Variants in PTPN9 observed in about 807,000 individuals in gnomAD.
The protein encoded by PTPN9 is tyrosine-protein phosphatase non-receptor type 9.
In PTPN9, 26 loss-of-function variants were observed where a neutral mutation model predicts 69.8. That is an observed-to-expected ratio of 0.37 (90% CI 0.27 to 0.52). The LOEUF (loss-of-function observed/expected upper bound fraction) is 0.52. Among genes scored for constraint, PTPN9 ranks in the 20% least tolerant of loss-of-function variants. The probability of loss-of-function intolerance (pLI) is 0.91; values close to 1 mark genes in which losing one functional copy is unlikely to be tolerated. For missense variants in PTPN9, 549 were observed against 740.3 expected, an observed-to-expected ratio of 0.74 and a Z score of 3.00; for synonymous variants, 274 against 272.5, an observed-to-expected ratio of 1.01 and a Z score of -0.05.
At chr15:75,553,944 T>C (rs1351298883) in intron 1 of PTPN9, among the ~76,000 whole-genome samples, 3 of 151,692 alleles carry the variant, frequency 2.0e-5, no homozygotes, top group Non-Finnish European at 4.4e-5. Flanking sequence ...GTCAGAAGTA[T>C]ACAATTAGAC....
At chr15:75,541,101 A>G (rs1386530890) in intron 1 of PTPN9, among the ~76,000 whole-genome samples, 2 of 151,830 alleles carry the variant, frequency 1.3e-5, no homozygotes, top group Non-Finnish European at 2.9e-5. Context: ...TAAAAAATAA[A>G]AAAAAAGAGA....
At chr15:75,554,897 C>G (rs2075070811) in intron 1 of PTPN9, among the ~76,000 whole-genome samples, 1 of 152,154 alleles carries the variant, frequency 6.6e-6, no homozygotes, top group Admixed American at 6.6e-5. Context: ...CATGAGCTTC[C>G]CCCTATGGAA....
chr15:75,542,041 T>C (rs1180957112), intron 1 of PTPN9, among the ~76,000 whole-genome samples: 1 of 150,398 alleles, frequency 6.6e-6, no homozygotes, highest in Non-Finnish European at 1.5e-5. Context: ...ATCTCAAAAA[T>C]AAAATAAAAT....
chr15:75,503,237 C>T (rs1368625778), intron 7 of PTPN9, among the ~76,000 whole-genome samples: 1 of 150,316 alleles, frequency 6.7e-6, no homozygotes, highest in Non-Finnish European at 1.5e-5. Context: ...TGAGGAGCAT[C>T]TCTGCCCGGC....
At chr15:75,489,174 C>T (rs1417518747) in intron 8 of PTPN9, among the ~76,000 whole-genome samples, 1 of 64,236 alleles carries the variant, frequency 1.6e-5, no homozygotes, top group African/African-American at 5.7e-5. Flanking sequence ...GACTCCGTCT[C>T]AAAAAAAAAA....
In PTPN9 at chr15:75,548,400, C is replaced by T. The variant is rs10152877; in HGVS notation, c.64-21139G>A. On this transcript the variant is annotated intron_variant, in intron 1 of 12. Coordinates refer to ENST00000618819, the MANE Select transcript of PTPN9 (RefSeq NM_002833.4). ...CCTCCCAAGTAGCTGGGATTACAGG[C>T]GCCCACCACCATGCCCAGCTAATTT... 2.7e-3 allele frequency among the ~76,000 whole-genome samples: 416 copies of T among 151,650 alleles called. 2 individuals carry two copies. The highest frequency in any genetic ancestry group is 9.5e-3 in the African/African-American group (393 of 41,370).
chr15:75,544,518 G>C (rs1429113212), intron 1 of PTPN9, among the ~76,000 whole-genome samples: 1 of 152,056 alleles, frequency 6.6e-6, no homozygotes, highest in Non-Finnish European at 1.5e-5. Context: ...TGACAGAGCA[G>C]AACCTGTCTC....
chr15:75,527,090 AG>A, intron 2 of PTPN9, 27 bp downstream of exon 2: 2 of 1,613,458 alleles, frequency 1.2e-6, no homozygotes, highest in Non-Finnish European at 1.7e-6. Flanking sequence ...CAACTGCCAC[AG>A]GTCTGGTCTA....
chr15:75,502,676 G>T (rs2074780330), intron 7 of PTPN9, among the ~76,000 whole-genome samples: 2 of 152,130 alleles, frequency 1.3e-5, no homozygotes, highest in African/African-American at 4.8e-5. Flanking sequence ...TGTACTCTCT[G>T]ACTGTGGATT....
intron 1 of PTPN9, among the ~76,000 whole-genome samples, chr15:75,573,538 G>C (rs1468859487): frequency 1.3e-5 from 2 of 152,054 alleles, no homozygotes; most frequent in Non-Finnish European, 2.9e-5. Context: ...TGCATACACA[G>C]CATATAAATC....
rs879412687 is a variant in PTPN9 at position 75,467,911 on chromosome 15, A to G, written c.*858T>C. The stretch of plus-strand genomic sequence containing the variant: ...GCTGAGCTAACCCAGTGTCACCACA[A>G]ACTAATACATTCTTGGCTCCAACAG... On this transcript the variant is annotated 3_prime_UTR_variant, in exon 13 of 13. Transcript: ENST00000618819. 4.6e-5 allele frequency: 7 copies of G among 152,652 alleles called. No individual in the cohort carries two copies. Among genetic ancestry groups the G allele is most frequent in the Non-Finnish European group, 8.8e-5 (6 of 68,054 alleles). 9.5% of individuals were successfully genotyped at this position (152,652 alleles called of 1,614,324 possible). A position where few individuals can be genotyped will look rare whatever the true frequency, so the allele number is the denominator to read the frequency against.
intron 5 of PTPN9, among the ~76,000 whole-genome samples, chr15:75,514,472 G>A (rs1374320244): frequency 1.3e-5 from 2 of 152,134 alleles, no homozygotes; most frequent in Non-Finnish European, 1.5e-5. Flanking sequence ...CTAGCTACTT[G>A]GGAGGTTGAG....
chr15:75,553,999 T>C (rs936797375), intron 1 of PTPN9, among the ~76,000 whole-genome samples: 1 of 116,014 alleles, frequency 8.6e-6, no homozygotes, highest in Non-Finnish European at 1.8e-5. Flanking sequence ...GACCAATACT[T>C]TCTTTCTTTT....
chr15:75,572,056 G>A (rs2141346134), intron 1 of PTPN9, among the ~76,000 whole-genome samples: 1 of 151,714 alleles, frequency 6.6e-6, no homozygotes, highest in South Asian at 2.1e-4. Context: ...TCTTGGCAGG[G>A]TGAGATGGCT....
At chr15:75,523,727 A>G (rs2074914986) in intron 3 of PTPN9, among the ~76,000 whole-genome samples, 1 of 152,220 alleles carries the variant, frequency 6.6e-6, no homozygotes, top group African/African-American at 2.4e-5. Flanking sequence ...CCCAAAGACC[A>G]TGACTAACCT....
chr15:75,503,826 G>A (rs565376517), intron 7 of PTPN9, among the ~76,000 whole-genome samples: 57 of 118,434 alleles, frequency 4.8e-4, no homozygotes, highest in African/African-American at 1.3e-3. Context: ...CCCCCCGCCC[G>A]GCCAGCCGCC....
intron 1 of PTPN9, among the ~76,000 whole-genome samples, chr15:75,571,007 C>G (rs979248311): frequency 6.6e-6 from 1 of 152,118 alleles, no homozygotes; most frequent in African/African-American, 2.4e-5. Flanking sequence ...TGCCTGTAAT[C>G]CCAGCACTCT....
At chr15:75,551,903 T>C (rs1193402786) in intron 1 of PTPN9, among the ~76,000 whole-genome samples, 3 of 150,816 alleles carry the variant, frequency 2.0e-5, no homozygotes. Context: ...CTGGGCATGG[T>C]GGTGCACGCC....
intron 7 of PTPN9, among the ~76,000 whole-genome samples, chr15:75,503,893 C>A (rs1253794328): frequency 9.6e-6 from 1 of 104,560 alleles, no homozygotes; most frequent in Non-Finnish European, 1.9e-5. Context: ...CCGCCCCGTC[C>A]GGGAGGGAGG....
Sources: allele counts gnomAD v4.1 joint callset (sites outside exome capture counted in the v4.1 genomes callset), GRCh38; gene constraint gnomAD v4.1.1; transcripts MANE v1.5; gene names NCBI Gene and HGNC (gene_info 2026-07-23, HGNC 2026-07-21).